The following PRDM2 variants were observed in gnomAD, a reference collection of about 807,000 sequenced individuals.
PRDM2 encodes the protein PR/SET domain 2, also known as PR domain zinc finger protein 2.
PRDM2 carries 30 observed loss-of-function variants against 130.0 expected under a neutral mutation model. The ratio of observed to expected loss-of-function variants is 0.23; its 90% confidence interval spans 0.17 to 0.31. The LOEUF (loss-of-function observed/expected upper bound fraction) is 0.31. Among genes scored for constraint, PRDM2 ranks in the 10% least tolerant of loss-of-function variants. PRDM2 has a pLI of 1.00. For missense variants in PRDM2, 2,011 were observed against 2,108.4 expected, an observed-to-expected ratio of 0.95 and a Z score of 0.90; for synonymous variants, 871 against 782.4, an observed-to-expected ratio of 1.11 and a Z score of -1.89.
chr1:13,791,836 G>A (rs1644844536), intron 8 of PRDM2, among the ~76,000 whole-genome samples: 1 of 152,198 alleles, frequency 6.6e-6, no homozygotes, highest in Non-Finnish European at 1.5e-5. Context: ...ATTTGCACAT[G>A]CCTGCATTTC....
At chr1:13,751,034 C>T (rs938730925) in intron 6 of PRDM2, among the ~76,000 whole-genome samples, 8 of 152,294 alleles carry the variant, frequency 5.3e-5, no homozygotes, top group South Asian at 4.1e-4. Context: ...AGTTTAATAG[C>T]AACCTTACTT....
chr1:13,745,525 A>G (rs1206651230), intron 5 of PRDM2, among the ~76,000 whole-genome samples: 2 of 151,810 alleles, frequency 1.3e-5, no homozygotes, highest in African/African-American at 4.8e-5. Context: ...CCCAGGTTCA[A>G]GCGATTCTTC....
intron 6 of PRDM2, among the ~76,000 whole-genome samples, chr1:13,765,716 C>T (rs1012561934): frequency 3.3e-5 from 5 of 152,170 alleles, no homozygotes; most frequent in African/African-American, 7.2e-5. Context: ...CTGCCTGCCT[C>T]GGCCTCCCAA....
chr1:13,708,296 T>G (rs555030897), intron 1 of PRDM2, among the ~76,000 whole-genome samples: 1 of 152,294 alleles, frequency 6.6e-6, no homozygotes, highest in Admixed American at 6.5e-5. Flanking sequence ...AGCAGGTCCC[T>G]TATTTGCCAT....
chr1:13,709,957 A>G (rs1181150557), intron 1 of PRDM2, among the ~76,000 whole-genome samples: 1 of 152,208 alleles, frequency 6.6e-6, no homozygotes, highest in Admixed American at 6.5e-5. Context: ...ATCCTAAAGA[A>G]AATTGTAAAA....
rs773036496 is a variant in PRDM2 at position 13,779,139 on chromosome 1, TC to T, written c.1347del (p.Ser450ValfsTer7). The T allele has an allele frequency of 6.2e-7, 1 of 1,614,180 alleles. No individual in the cohort carries two copies. Among genetic ancestry groups the T allele is most frequent in the African/African-American group, 1.3e-5 (1 of 75,040 alleles). ...NVASKDDSSP[P>X]SLGPDCLIMN... ...TTGCTTCAAAAGATGATTCGAGTCC[TC>T]CCAGTCTTGGGCCAGACTGTCTGAT... On this transcript the variant is annotated frameshift_variant, in exon 8 of 10. Coordinates refer to ENST00000311066, the MANE Select transcript of PRDM2 (RefSeq NM_001393986.1). LOFTEE classifies it high-confidence loss of function. This position sits in a 1 kb window ranked among gnomAD's most constrained non-coding sequence, Gnocchi z 4.9.
intron 3 of PRDM2, among the ~76,000 whole-genome samples, chr1:13,731,325 G>GAC (rs1643100773): frequency 6.6e-6 from 1 of 151,636 alleles, no homozygotes; most frequent in South Asian, 2.1e-4. Context: ...CACACAAACA[G>GAC]ACACACACAC....
intron 4 of PRDM2, among the ~76,000 whole-genome samples, chr1:13,740,770 A>G (rs1455123439): frequency 6.6e-6 from 1 of 152,190 alleles, no homozygotes; most frequent in Non-Finnish European, 1.5e-5. Context: ...TTTGACTTTC[A>G]AGAGGAAGAA....
At chr1:13,736,469 A>C (rs1643277046) in intron 4 of PRDM2, among the ~76,000 whole-genome samples, 1 of 152,084 alleles carries the variant, frequency 6.6e-6, no homozygotes, top group Admixed American at 6.5e-5. Context: ...ATTGTATACC[A>C]TTCATGATTT....
At chr1:13,787,589 A>T in intron 8 of PRDM2, 2 of 978,104 alleles carry the variant, frequency 2.0e-6, no homozygotes, top group Middle Eastern at 5.2e-4. Flanking sequence ...CATTTCTGTT[A>T]TGGGGACTTT....
intron 8 of PRDM2, among the ~76,000 whole-genome samples, chr1:13,808,795 C>T (rs1311786818): frequency 2.0e-5 from 3 of 152,200 alleles, no homozygotes; most frequent in Non-Finnish European, 4.4e-5. Context: ...GACCTTACGG[C>T]CCCCTGGGGA....
At chr1:13,776,294 T>A (rs749289952) in intron 7 of PRDM2, among the ~76,000 whole-genome samples, 19 of 152,120 alleles carry the variant, frequency 1.2e-4, no homozygotes, top group Non-Finnish European at 2.1e-4. Context: ...AACAGCCAGG[T>A]AATGTAGCCT....
chr1:13,749,948 G>T (rs530397930), intron 6 of PRDM2, among the ~76,000 whole-genome samples: 1 of 152,280 alleles, frequency 6.6e-6, no homozygotes, highest in South Asian at 2.1e-4. Flanking sequence ...CGCGGGCCGC[G>T]TCGGTCGCGG....
chr1:13,713,001 C>T (rs772798468), intron 1 of PRDM2, among the ~76,000 whole-genome samples: 3 of 151,824 alleles, frequency 2.0e-5, no homozygotes, highest in Admixed American at 6.6e-5. Context: ...TGAGGCTTCT[C>T]GCTTTTGCTT....
At chr1:13,736,191 C>T (rs1222603086) in intron 4 of PRDM2, among the ~76,000 whole-genome samples, 1 of 151,416 alleles carries the variant, frequency 6.6e-6, no homozygotes, top group Non-Finnish European at 1.5e-5. Context: ...ACAGCTCATC[C>T]TCTGCCTCCT....
At chr1:13,747,465 A>G (rs925021019) in intron 5 of PRDM2, among the ~76,000 whole-genome samples, 1 of 152,162 alleles carries the variant, frequency 6.6e-6, no homozygotes, top group Non-Finnish European at 1.5e-5. Context: ...TTATTAATAT[A>G]TATTAAAGTA....
chr1:13,804,032 C>T (rs1645049739), intron 8 of PRDM2, among the ~76,000 whole-genome samples: 1 of 152,170 alleles, frequency 6.6e-6, no homozygotes, highest in Non-Finnish European at 1.5e-5. Context: ...GGGTGTGAAT[C>T]TTCCCTCCCT....
chr1:13,793,517 A>G (rs1376043211), intron 8 of PRDM2, among the ~76,000 whole-genome samples: 1 of 152,246 alleles, frequency 6.6e-6, no homozygotes, highest in Admixed American at 6.5e-5. Context: ...TCACTTTTCA[A>G]AAGCCCTGAA....
intron 8 of PRDM2, among the ~76,000 whole-genome samples, chr1:13,799,101 C>T (rs760779969): frequency 6.6e-6 from 1 of 152,180 alleles, no homozygotes; most frequent in African/African-American, 2.4e-5. Flanking sequence ...CCACTTACTT[C>T]GTCACTAAGT....
Sources: allele counts gnomAD v4.1 joint callset (sites outside exome capture counted in the v4.1 genomes callset), GRCh38; gene constraint gnomAD v4.1.1; non-coding constraint Gnocchi (gnomAD v3.1); transcripts MANE v1.5; gene names NCBI Gene and HGNC (gene_info 2026-07-23, HGNC 2026-07-21).